HNF4G: variants seen among roughly 807,000 people sequenced by gnomAD.
HNF4G encodes hepatocyte nuclear factor 4 gamma.
In HNF4G, 21 loss-of-function variants were observed where a neutral mutation model predicts 50.9. That is an observed-to-expected ratio of 0.41 (90% CI 0.29 to 0.59). HNF4G has a LOEUF of 0.59. Ranked by LOEUF, HNF4G falls within the 20% of genes least tolerant of loss-of-function variation. The pLI is 0.26. For missense variants in HNF4G, 527 were observed against 559.4 expected (o/e 0.94, Z 0.58); for synonymous variants, 198 against 185.6 (o/e 1.07, Z -0.54).
At chr8:75,434,869 A>G (rs1811100460) in intron 1 of HNF4G, among the ~76,000 whole-genome samples, 1 of 152,258 alleles carries the variant, frequency 6.6e-6, no homozygotes, top group Admixed American at 6.5e-5. Flanking sequence ...CATTTGAAGA[A>G]ATAGAAAAAC....
intron 1 of HNF4G, among the ~76,000 whole-genome samples, chr8:75,425,604 T>A (rs949749583): frequency 1.0e-4 from 15 of 148,166 alleles, no homozygotes; most frequent in Non-Finnish European, 1.8e-4. Context: ...TATTATATAT[T>A]TTTTATATAT....
chr8:75,449,107 A>C (rs1331027909), intron 1 of HNF4G, among the ~76,000 whole-genome samples: 1 of 152,162 alleles, frequency 6.6e-6, no homozygotes, highest in Non-Finnish European at 1.5e-5. Flanking sequence ...TCATGTAACA[A>C]CACCAAAGTC....
At chr8:75,409,411 G>C (rs1810440053) in intron 1 of HNF4G, among the ~76,000 whole-genome samples, 1 of 150,392 alleles carries the variant, frequency 6.6e-6, no homozygotes, top group African/African-American at 2.4e-5. Context: ...ATTTATTTTA[G>C]GGATTGCTAA....
intron 2 of HNF4G, among the ~76,000 whole-genome samples, chr8:75,527,809 GTA>G: frequency 6.6e-6 from 1 of 152,270 alleles, no homozygotes; most frequent in African/African-American, 2.4e-5. Flanking sequence ...TTTATAAAAT[GTA>G]TCTTTGAGTG....
intron 2 of HNF4G, 56 bp from the exon 3 acceptor site, chr8:75,547,531 T>C: frequency 8.2e-7 from 1 of 1,214,322 alleles, no homozygotes; most frequent in Admixed American, 1.9e-5. Context: ...TGTCTGTTTA[T>C]TTGCTTCTTT....
At chr8:75,456,886 G>A (rs182023434) in intron 1 of HNF4G, among the ~76,000 whole-genome samples, 34 of 151,850 alleles carry the variant, frequency 2.2e-4, no homozygotes, top group African/African-American at 6.5e-4. Context: ...GACCCCAGAC[G>A]TGTGCCACCA....
intron 8 of HNF4G, 104 bp from the exon 9 acceptor site, chr8:75,560,240 C>T: frequency 8.0e-7 from 1 of 1,253,712 alleles, no homozygotes; most frequent in South Asian, 1.3e-5. Context: ...AAGCACTTGG[C>T]AAAAATAGCG....
chr8:75,562,098 T>C (rs947865208), intron 9 of HNF4G, among the ~76,000 whole-genome samples: 2 of 151,778 alleles, frequency 1.3e-5, no homozygotes, highest in Non-Finnish European at 2.9e-5. Flanking sequence ...ACTTATTGCC[T>C]ACTGAATTTA....
chr8:75,438,447 T>C (rs940236036), intron 1 of HNF4G, among the ~76,000 whole-genome samples: 2 of 152,190 alleles, frequency 1.3e-5, no homozygotes, highest in Non-Finnish European at 2.9e-5. Context: ...GTCCCTAACA[T>C]CCAACCCTGC....
At chr8:75,426,480 C>T (rs936106512) in intron 1 of HNF4G, among the ~76,000 whole-genome samples, 2 of 152,094 alleles carry the variant, frequency 1.3e-5, no homozygotes, top group African/African-American at 4.8e-5. Context: ...TCTCTTATAC[C>T]TCTGAACCAG....
chr8:75,526,705 A>AATTT (rs1473808721), intron 2 of HNF4G, among the ~76,000 whole-genome samples: 1 of 140,602 alleles, frequency 7.1e-6, no homozygotes, highest in African/African-American at 2.6e-5. Flanking sequence ...ACTAATTAAA[A>AATTT]TTTTTTTTTT....
chr8:75,524,254 T>G (rs922259870), intron 2 of HNF4G, among the ~76,000 whole-genome samples: 1 of 152,130 alleles, frequency 6.6e-6, no homozygotes, highest in African/African-American at 2.4e-5. Flanking sequence ...TCAGGTACCA[T>G]AAGATATATG....
At chr8:75,522,510 T>A (rs1040454879) in intron 2 of HNF4G, among the ~76,000 whole-genome samples, 4 of 152,204 alleles carry the variant, frequency 2.6e-5, no homozygotes, top group African/African-American at 9.6e-5. Context: ...CAGACATAGA[T>A]CTACTATATT....
At chr8:75,487,842 C>T (rs978000864) in intron 1 of HNF4G, among the ~76,000 whole-genome samples, 2 of 152,146 alleles carry the variant, frequency 1.3e-5, no homozygotes, top group African/African-American at 2.4e-5. Flanking sequence ...ACTCACAGTT[C>T]CTCAAGGCTG....
At chr8:75,470,664 G>A (rs73688901) in intron 1 of HNF4G, among the ~76,000 whole-genome samples, 2,350 of 152,212 alleles carry the variant, frequency 0.015, 63 homozygotes, top group African/African-American at 0.054. Context: ...CTACAAAATA[G>A]GTAGTATTTT....
chr8:75,410,702 A>G (rs945978242), intron 1 of HNF4G, among the ~76,000 whole-genome samples: 2 of 152,214 alleles, frequency 1.3e-5, no homozygotes, highest in African/African-American at 2.4e-5. Flanking sequence ...GGGCAAAAGT[A>G]TGATTTTAAA....
At chr8:75,507,291 G>A (rs372015970) in intron 2 of HNF4G, among the ~76,000 whole-genome samples, 11 of 141,668 alleles carry the variant, frequency 7.8e-5, no homozygotes, top group Non-Finnish European at 1.1e-4. Context: ...ATGGAGTCTC[G>A]CTCTCTCGCC....
intron 1 of HNF4G, among the ~76,000 whole-genome samples, chr8:75,467,447 G>GA (rs1812013074): frequency 6.6e-6 from 1 of 152,132 alleles, no homozygotes; most frequent in African/African-American, 2.4e-5. Context: ...AGATCACGAG[G>GA]TCAGGAGATG....
chr8:75,547,579 T>C lies in HNF4G; in HGVS notation c.288-8T>C, dbSNP rs2130795175. ...TTTTCTGCAAACTGATATATCTTTA[T>C]GTTATAGGTTCAGTCGGCAATGTGT... On this transcript the variant is annotated splice_polypyrimidine_tract_variant and splice_region_variant and intron_variant, in intron 2 of 9. Transcript: ENST00000396423. 1.3e-6 allele frequency: 2 copies of C among 1,574,712 alleles called. No homozygotes were observed. Among genetic ancestry groups the C allele is most frequent in the Non-Finnish European group, 1.7e-6 (2 of 1,145,280 alleles).
Sources: gnomAD v4.1 joint callset for allele counts (sites outside exome capture counted in the v4.1 genomes callset) on GRCh38, gnomAD v4.1.1 for gene constraint, MANE v1.5 for transcripts, NCBI Gene and HGNC (gene_info 2026-07-23, HGNC 2026-07-21) for gene names.